The following CERS3 variants were observed in gnomAD, a reference collection of about 807,000 sequenced individuals.
CERS3 encodes the protein ceramide synthase 3.
A neutral mutation model predicts 50.3 loss-of-function variants in CERS3; 33 were observed. That is an observed-to-expected ratio of 0.66 (90% confidence interval 0.50 to 0.88). The LOEUF (loss-of-function observed/expected upper bound fraction) is 0.88. Ranked by LOEUF, CERS3 falls within the 40% of genes least tolerant of loss-of-function variation. The pLI, the probability that CERS3 is intolerant of heterozygous loss-of-function variation, is 0.00. For missense variants in CERS3, 470 were observed against 460.3 expected (o/e 1.02, Z -0.19); for synonymous variants, 176 against 155.2 (o/e 1.13, Z -0.99).
chr15:100,496,914 A>G (rs2035832212), intron 3 of CERS3, among the ~76,000 whole-genome samples: 1 of 152,252 alleles, frequency 6.6e-6, no homozygotes, highest in African/African-American at 2.4e-5. Context: ...ATGTCAGTCC[A>G]ACTTCCAGAT....
At chr15:100,503,901 A>G in intron 2 of CERS3, 1 of 366,040 alleles carries the variant, frequency 2.7e-6, no homozygotes, top group Admixed American at 3.3e-5. Context: ...GAGAAGTGAG[A>G]TTGATGGGGA....
rs2036645752 is a variant in CERS3, at chr15:100,521,745, T to G, written c.-80A>C. 6.6e-6 allele frequency: 1 copy of G among 152,176 alleles called. No individual in the cohort carries two copies. The highest frequency in any genetic ancestry group is 1.9e-4 in the East Asian group (1 of 5,200). The allele number at this position is 152,176 out of a possible 1,614,324, so 9.4% of individuals were successfully genotyped here. A position where few individuals can be genotyped will look rare whatever the true frequency, so the allele number is the denominator to read the frequency against. On this transcript the variant is annotated 5_prime_UTR_variant, in exon 2 of 12. Transcript: ENST00000679737. ...TATATATATAAATGTCAGCTTTTGT[T>G]TCACAACATCCCTAAAGAAGCAGAA...
intron 2 of CERS3, among the ~76,000 whole-genome samples, chr15:100,514,144 G>C (rs2036429182): frequency 6.6e-6 from 1 of 152,168 alleles, no homozygotes. Flanking sequence ...AGATGGAGTT[G>C]ATCATTGTAC....
At chr15:100,448,792 C>CA (rs570911626) in intron 11 of CERS3, among the ~76,000 whole-genome samples, 1 of 152,340 alleles carries the variant, frequency 6.6e-6, no homozygotes, top group East Asian at 1.9e-4. Flanking sequence ...TGTGCCATCA[C>CA]ACATTTTTAT....
intron 11 of CERS3, among the ~76,000 whole-genome samples, chr15:100,412,805 T>A (rs1051683106): frequency 2.0e-5 from 3 of 152,214 alleles, no homozygotes; most frequent in African/African-American, 7.2e-5. Context: ...TAAGAGATGA[T>A]TTCATTTTGT....
upstream of CERS3, among the ~76,000 whole-genome samples, chr15:100,533,437 C>T (rs2036989915): frequency 6.6e-6 from 1 of 152,298 alleles, no homozygotes; most frequent in Non-Finnish European, 1.5e-5. Flanking sequence ...CTCTTCCTCT[C>T]TACCACAGTA....
At chr15:100,445,333 T>C (rs1054518488) in intron 11 of CERS3, among the ~76,000 whole-genome samples, 5 of 148,260 alleles carry the variant, frequency 3.4e-5, no homozygotes, top group African/African-American at 7.5e-5. Context: ...ACACTGTTTC[T>C]CCAAGCCATC....
intron 11 of CERS3, among the ~76,000 whole-genome samples, chr15:100,427,953 A>C (rs1210880329): frequency 6.6e-6 from 1 of 152,212 alleles, no homozygotes. Flanking sequence ...TCACTAAGTG[A>C]ATTAGAATGA....
intron 1 of CERS3, among the ~76,000 whole-genome samples, chr15:100,539,646 T>C (rs2037153044): frequency 1.3e-5 from 2 of 152,232 alleles, no homozygotes; most frequent in Admixed American, 6.5e-5. Flanking sequence ...ATGATTCAGT[T>C]ACTTCTACCT....
chr15:100,493,106 A>G (rs1298652071), intron 3 of CERS3, among the ~76,000 whole-genome samples: 1 of 152,206 alleles, frequency 6.6e-6, no homozygotes, highest in Non-Finnish European at 1.5e-5. Context: ...AAAACAAAAA[A>G]TATGCTTATA....
chr15:100,507,023 T>G (rs2142347035), intron 2 of CERS3, among the ~76,000 whole-genome samples: 1 of 152,328 alleles, frequency 6.6e-6, no homozygotes, highest in African/African-American at 2.4e-5. Context: ...CCTTTTAATC[T>G]ATGGCTTATC....
intron 8 of CERS3, among the ~76,000 whole-genome samples, chr15:100,475,033 T>G (rs1409104647): frequency 6.6e-6 from 1 of 152,116 alleles, no homozygotes; most frequent in Non-Finnish European, 1.5e-5. Flanking sequence ...AAATCAAAGG[T>G]GGGTGAAATA....
At chr15:100,484,742 T>A in intron 4 of CERS3, 74 bp from the exon 5 acceptor site, 1 of 1,120,086 alleles carries the variant, frequency 8.9e-7, no homozygotes, top group Non-Finnish European at 1.4e-6. Flanking sequence ...GAGACGGAGA[T>A]TGAGTTACAA....
chr15:100,484,364 T>C (rs1422783049), intron 5 of CERS3, among the ~76,000 whole-genome samples, 186 bp downstream of exon 5: 1 of 152,214 alleles, frequency 6.6e-6, no homozygotes, highest in African/African-American at 2.4e-5. Flanking sequence ...CAGAGCTTAC[T>C]TGATTTATAA....
chr15:100,508,066 A>G, intron 2 of CERS3, among the ~76,000 whole-genome samples: 1 of 152,218 alleles, frequency 6.6e-6, no homozygotes, highest in East Asian at 1.9e-4. Context: ...ACCCTCCTTT[A>G]GAGAAACTGA....
At chr15:100,479,692 T>C (rs1461161383) in intron 6 of CERS3, among the ~76,000 whole-genome samples, 1 of 152,206 alleles carries the variant, frequency 6.6e-6, no homozygotes, top group Non-Finnish European at 1.5e-5. Context: ...AACATCTCTG[T>C]GAAATTCACT....
In CERS3 at chr15:100,467,784, C is replaced by T. The variant is rs1249866751; in HGVS notation, c.845+1594G>A. On this transcript the variant is annotated intron_variant, in intron 10 of 11. Transcript: ENST00000679737. ...CTCTCTCTCTCTATATATATATACACACATATATATGTATATATATATACG... is the reference window on the plus strand; with the variant it reads ...CTCTCTCTCTCTATATATATATACATACATATATATGTATATATATATACG... Among the ~76,000 whole-genome samples, 6 of 131,662 alleles carry T rather than the reference C, an allele frequency of 4.6e-5. No individual in the cohort carries two copies. The South Asian group carries it at 9.7e-4, about 21-fold the overall frequency. The allele number at this position is 131,662 out of a possible 152,430, so 86.4% of individuals were successfully genotyped here.
At chr15:100,473,254 G>A (rs999126259) in intron 8 of CERS3, among the ~76,000 whole-genome samples, 1 of 152,082 alleles carries the variant, frequency 6.6e-6, no homozygotes, top group African/African-American at 2.4e-5. Flanking sequence ...ATTTAACGTT[G>A]AGATACCATC....
chr15:100,418,148 AT>A (rs1203176478), intron 11 of CERS3, among the ~76,000 whole-genome samples: 1 of 151,894 alleles, frequency 6.6e-6, no homozygotes, highest in Non-Finnish European at 1.5e-5. Flanking sequence ...ACGGGAGGAC[AT>A]TCAAACCAAA....
Sources: gnomAD v4.1 joint callset for allele counts (sites outside exome capture counted in the v4.1 genomes callset) on GRCh38, gnomAD v4.1.1 for gene constraint, MANE v1.5 for transcripts, NCBI Gene and HGNC (gene_info 2026-07-23, HGNC 2026-07-21) for gene names.